PCDH15: variants seen among roughly 807,000 people sequenced by gnomAD.
The protein encoded by PCDH15 is protocadherin related 15.
A neutral mutation model predicts 178.5 loss-of-function variants in PCDH15; 129 were observed. That is an observed-to-expected ratio of 0.72 (90% CI 0.63 to 0.84). PCDH15 has a LOEUF of 0.84. PCDH15 is among the 40% of genes least tolerant of loss of function. PCDH15 has a pLI of 0.00. For missense variants in PCDH15, 2,230 were observed against 2,099.9 expected, an observed-to-expected ratio of 1.06 and a Z score of -1.21; for synonymous variants, 800 against 732.0, an observed-to-expected ratio of 1.09 and a Z score of -1.50.
chr10:53,923,091 A>G (rs2084147913), intron 25 of PCDH15, among the ~76,000 whole-genome samples: 1 of 152,106 alleles, frequency 6.6e-6, no homozygotes, highest in South Asian at 2.1e-4. Flanking sequence ...CGTCTCAAAA[A>G]AACAAAACAA....
intron 18 of PCDH15, among the ~76,000 whole-genome samples, chr10:54,037,125 G>T (rs919575133): frequency 6.6e-6 from 1 of 151,936 alleles, no homozygotes; most frequent in African/African-American, 2.4e-5. Context: ...GAAGAGCAAA[G>T]AAAGTGGTTT....
At chr10:55,589,535 A>C (rs935222449) in intron 2 of PCDH15, among the ~76,000 whole-genome samples, 4 of 151,960 alleles carry the variant, frequency 2.6e-5, no homozygotes, top group African/African-American at 9.7e-5. Context: ...CAACCTACAC[A>C]ATGGGAGAAA....
At chr10:54,091,938 T>C (rs896928613) in intron 15 of PCDH15, among the ~76,000 whole-genome samples, 1 of 152,164 alleles carries the variant, frequency 6.6e-6, no homozygotes, top group African/African-American at 2.4e-5. Context: ...GCTAGCCCTT[T>C]CCTCTGGATT....
chr10:54,344,966 G>T (rs9415302), intron 6 of PCDH15, among the ~76,000 whole-genome samples: 44,785 of 136,194 alleles, frequency 0.33, 8,237 homozygotes, highest in African/African-American at 0.51. Context: ...CTAATAAAAT[G>T]TATATATATA....
chr10:54,602,652 T>A (rs557793615), intron 2 of PCDH15, among the ~76,000 whole-genome samples: 1 of 152,138 alleles, frequency 6.6e-6, no homozygotes, highest in African/African-American at 2.4e-5. Flanking sequence ...ACACCTATTG[T>A]ATTGAGAGTT....
chr10:54,325,907 A>AAAAT (rs1390336693), intron 7 of PCDH15, among the ~76,000 whole-genome samples: 8 of 152,218 alleles, frequency 5.3e-5, no homozygotes, highest in African/African-American at 1.4e-4. Context: ...AGACTGTCTC[A>AAAAT]AAATAAATAA....
intron 8 of PCDH15, among the ~76,000 whole-genome samples, chr10:54,272,526 T>C (rs1387992414): frequency 6.6e-6 from 1 of 152,152 alleles, no homozygotes; most frequent in African/African-American, 2.4e-5. Context: ...GGGTACTTTT[T>C]GTTTACTTAA....
At chr10:55,577,924 C>G (rs1842527510) in intron 2 of PCDH15, among the ~76,000 whole-genome samples, 1 of 152,088 alleles carries the variant, frequency 6.6e-6, no homozygotes, top group Admixed American at 6.5e-5. Flanking sequence ...AAACGTCCAT[C>G]TTTTAATTAA....
At chr10:55,003,437 C>T (rs1166020655) in intron 2 of PCDH15, among the ~76,000 whole-genome samples, 1 of 151,000 alleles carries the variant, frequency 6.6e-6, no homozygotes, top group Non-Finnish European at 1.5e-5. Context: ...AATATTGAAA[C>T]ATTGCTGTTT....
At chr10:55,558,394 C>CA (rs1356602941) in intron 2 of PCDH15, among the ~76,000 whole-genome samples, 3 of 152,188 alleles carry the variant, frequency 2.0e-5, no homozygotes, top group African/African-American at 7.2e-5. Context: ...TTTATGTCTG[C>CA]AGGTGTTTAG....
chr10:53,980,179 C>T (rs1183968745), intron 21 of PCDH15, among the ~76,000 whole-genome samples: 3 of 150,616 alleles, frequency 2.0e-5, no homozygotes, highest in South Asian at 2.1e-4. Flanking sequence ...TGAGATCACA[C>T]CACTACACTC....
intron 1 of PCDH15, among the ~76,000 whole-genome samples, chr10:55,177,986 G>T (rs1839541774): frequency 6.6e-6 from 1 of 152,108 alleles, no homozygotes; most frequent in Non-Finnish European, 1.5e-5. Flanking sequence ...TCAGCTAATT[G>T]TCCTCATAAA....
intron 28 of PCDH15, among the ~76,000 whole-genome samples, chr10:53,853,610 G>A (rs977159523): frequency 6.6e-6 from 1 of 151,926 alleles, no homozygotes; most frequent in Non-Finnish European, 1.5e-5. Context: ...ATGTGCAAAG[G>A]ACTTGAATAG....
chr10:55,156,207 G>C (rs1177568620), intron 2 of PCDH15, among the ~76,000 whole-genome samples: 1 of 152,084 alleles, frequency 6.6e-6, no homozygotes, highest in Non-Finnish European at 1.5e-5. Context: ...AGCATTCAAG[G>C]AATATTTAGC....
chr10:54,496,299 C>T (rs1006773228), intron 3 of PCDH15, among the ~76,000 whole-genome samples: 1 of 151,974 alleles, frequency 6.6e-6, no homozygotes, highest in African/African-American at 2.4e-5. Flanking sequence ...GAGAGGAAGT[C>T]CTTTGGAGAG....
At chr10:53,861,548 G>C (rs1185265104) in intron 27 of PCDH15, among the ~76,000 whole-genome samples, 1 of 151,992 alleles carries the variant, frequency 6.6e-6, no homozygotes, top group Non-Finnish European at 1.5e-5. Flanking sequence ...GAAATACAAT[G>C]TGAGCCACGA....
rs546263348 is a variant in PCDH15 at position 55,571,174 on chromosome 10, C to A, written c.-156+56451G>T. 2.3e-3 allele frequency among the ~76,000 whole-genome samples: 356 copies of A among 152,110 alleles called. 1 individual carries two copies. Among genetic ancestry groups the A allele is most frequent in the African/African-American group, 8.1e-3 (337 of 41,528 alleles). On this transcript the variant is annotated intron_variant, in intron 2 of 5. Coordinates refer to the PCDH15 transcript ENST00000613346. ...GGTTTTTAAAGGGCCTGACACTTCACCACTCACTCTCTTGCTCTCTCTTTT... is the reference window on the plus strand; with the variant it reads ...GGTTTTTAAAGGGCCTGACACTTCAACACTCACTCTCTTGCTCTCTCTTTT...
intron 2 of PCDH15, among the ~76,000 whole-genome samples, chr10:55,107,186 T>C (rs998295529): frequency 6.6e-6 from 1 of 152,202 alleles, no homozygotes; most frequent in Admixed American, 6.5e-5. Context: ...TTTCTATTGG[T>C]ATACACTTAA....
chr10:54,117,019 C>T (rs895111791), intron 15 of PCDH15, among the ~76,000 whole-genome samples: 6 of 152,188 alleles, frequency 3.9e-5, no homozygotes, highest in South Asian at 2.1e-4. Context: ...GGTGTTGCTT[C>T]GCCAGCTGGA....
Sources: gnomAD v4.1 joint callset for allele counts (sites outside exome capture counted in the v4.1 genomes callset) on GRCh38, gnomAD v4.1.1 for gene constraint, MANE v1.5 for transcripts, NCBI Gene and HGNC (gene_info 2026-07-23, HGNC 2026-07-21) for gene names.